Variants in FAM83D observed in about 807,000 individuals in gnomAD.
FAM83D encodes scaffolding CK1 anchoring protein D.
Under a neutral mutation model 25.4 loss-of-function variants are expected in FAM83D, and 26 were observed. The ratio of observed to expected loss-of-function variants is 1.02; its 90% CI spans 0.75 to 1.42. The LOEUF (loss-of-function observed/expected upper bound fraction) is 1.42, where lower values mean the gene tolerates loss of function less well. FAM83D is among the 40% of genes most tolerant of loss of function. The probability of loss-of-function intolerance (pLI) is 0.00; values close to 1 mark genes in which losing one functional copy is unlikely to be tolerated. For synonymous variants in FAM83D, 310 were observed against 318.5 expected, an observed-to-expected ratio of 0.97 and a Z score of 0.28; for missense variants, 740 against 758.1, an observed-to-expected ratio of 0.98 and a Z score of 0.28.
At position 38,952,355 on chromosome 20, in the gene FAM83D, G is replaced by T. The variant is rs545956434; in HGVS notation, c.1593G>T (p.Arg531=). 3.7e-6 allele frequency: 6 copies of T among 1,614,006 alleles called. No individual in the cohort carries two copies. Among genetic ancestry groups the T allele is most frequent in the Non-Finnish European group, 5.1e-6 (6 of 1,180,038 alleles). Residue 531 remains arginine (R), a synonymous_variant, in exon 4 of 4, where the codon CGG becomes CGT. Transcript: ENST00000619850. ...CACTTAGAAACTTGAACAAAGAGCG[G>T]CAATTCCACTTCGCTGGTATCAGGT... ...SDSLRNLNKE[R]QFHFAGIRSR...
chr20:38,947,612 G>A (rs72623594), intron 2 of FAM83D, among the ~76,000 whole-genome samples: 25,169 of 152,086 alleles, frequency 0.17, 2,335 homozygotes, highest in East Asian at 0.32. Flanking sequence ...ACACATACAC[G>A]CATGAACTAA....
At chr20:38,934,406 T>C (rs146649901) in intron 1 of FAM83D, among the ~76,000 whole-genome samples, 29 of 148,820 alleles carry the variant, frequency 1.9e-4, no homozygotes, top group African/African-American at 7.2e-4. Context: ...GGCAGGAGAA[T>C]AGCTTGAACC....
At chr20:38,927,036 G>A in intron 1 of FAM83D, 111 bp downstream of exon 1, 1 of 1,378,790 alleles carries the variant, frequency 7.3e-7, no homozygotes, top group Non-Finnish European at 9.3e-7. Flanking sequence ...GCGCCCTACC[G>A]GAAGCGCGCG....
chr20:38,935,483 C>G (rs1487332392), intron 1 of FAM83D, among the ~76,000 whole-genome samples: 1 of 152,222 alleles, frequency 6.6e-6, no homozygotes, highest in East Asian at 1.9e-4. Flanking sequence ...CATTCTGTTG[C>G]CCAGGCTAGA....
chr20:38,927,655 C>G (rs1252479068), intron 1 of FAM83D, among the ~76,000 whole-genome samples: 2 of 151,968 alleles, frequency 1.3e-5, no homozygotes, highest in Non-Finnish European at 2.9e-5. Flanking sequence ...CCCGCCACCA[C>G]GCCCGGCTAA....
chr20:38,952,171 C>T lies in FAM83D; in HGVS notation c.1409C>T (p.Ser470Leu), dbSNP rs773179759. The T allele has an allele frequency of 9.9e-6, 16 of 1,614,066 alleles. No individual in the cohort carries two copies. In the East Asian group the frequency reaches 2.2e-4, roughly 22 times the overall value. ...TCACCAGTCTCAAAAATGTCTGTAT[C>T]GAGATCTTCCAGTTTGAAGTCTTCC... is the stretch of plus-strand genomic sequence containing the variant. The part of the protein sequence containing the change: ...EGSPVSKMSV[S>L]RSSSLKSSSS... Residue 470 changes from serine to leucine, a missense_variant, in exon 4 of 4, where the codon TCG becomes TTG. This residue lies in a region of FAM83D where 375 missense variants were observed against 403.2 expected (regional missense o/e 0.93). Coordinates refer to ENST00000619850, the MANE Select transcript of FAM83D (RefSeq NM_030919.3).
Position 38,942,106 on chromosome 20 carries a change from G to A in FAM83D, c.631G>A (p.Val211Ile), listed in dbSNP as rs925431512. 1.2e-6 allele frequency: 2 copies of A among 1,614,092 alleles called. No individual in the cohort carries two copies. Among genetic ancestry groups the A allele is most frequent in the Admixed American group, 1.7e-5 (1 of 60,006 alleles). The change falls in exon 2 of 4, where the codon GTT becomes ATT. Residue 211 changes from valine to isoleucine, a missense_variant. Coordinates refer to ENST00000619850, the MANE Select transcript of FAM83D (RefSeq NM_030919.3). ...TCTGGATATGTGCATGGATCTGAAA[G>A]TTCATCCTGAACAGGAAAAGGTTTG... ...QFLDMCMDLK[V>I]HPEQEKLMTV...
chr20:38,944,678 G>A (rs992464727), intron 2 of FAM83D, among the ~76,000 whole-genome samples: 1 of 152,154 alleles, frequency 6.6e-6, no homozygotes. Flanking sequence ...GGTGGCTTAC[G>A]CCTGTAATCC....
intron 1 of FAM83D, among the ~76,000 whole-genome samples, chr20:38,936,838 T>C (rs532103384): frequency 6.6e-6 from 1 of 152,266 alleles, no homozygotes; most frequent in Admixed American, 6.5e-5. Context: ...AGAAAAGAGT[T>C]CAGTTCTATG....
rs893601607 is a variant in FAM83D, at chr20:38,952,881, C to T, written c.*361C>T. On this transcript the variant is annotated 3_prime_UTR_variant, in exon 4 of 4. Coordinates refer to ENST00000619850, the MANE Select transcript of FAM83D (RefSeq NM_030919.3). ...CTTTTCTGTGTTTAGATACAAATAC[C>T]ATTATGTTACAGTTGCCTACAGTAT... The T allele has an allele frequency of 4.2e-5, 10 of 238,592 alleles. No individual in the cohort carries two copies. Among genetic ancestry groups the T allele is most frequent in the Non-Finnish European group, 7.4e-5 (9 of 122,186 alleles). 14.8% of individuals were successfully genotyped at this position (238,592 alleles called of 1,614,324 possible).
chr20:38,942,125 AG>A lies in FAM83D; in HGVS notation c.651+1del, dbSNP rs763065875. 1 of 1,614,144 alleles carries A rather than the reference AG, an allele frequency of 6.2e-7. No individual in the cohort carries two copies. Among genetic ancestry groups the A allele is most frequent in the Non-Finnish European group, 8.5e-7 (1 of 1,179,978 alleles). On this transcript the variant is annotated frameshift_variant and splice_region_variant, in exon 2 of 4. Coordinates refer to ENST00000619850, the MANE Select transcript of FAM83D (RefSeq NM_030919.3). LOFTEE classifies it high-confidence loss of function. The stretch of plus-strand genomic sequence containing the variant: ...CTGAAAGTTCATCCTGAACAGGAAA[AG>A]GTTTGTGGTACACTATATCCAGTTT... ...MDLKVHPEQEKLMTVRTITGN... is the reference protein window; with the variant it reads ...MDLKVHPEQEXLMTVRTITGN...
chr20:38,926,553 G>C lies in FAM83D; in HGVS notation c.111G>C (p.Glu37Asp). Residue 37 changes from glutamate (E) to aspartate (D), a missense_variant, in exon 1 of 4, where the codon GAG (glutamate) becomes GAC (aspartate). Physicochemically the swap from Glu to Asp is conservative, Grantham distance 45. This residue lies in a region of FAM83D where 333 missense variants were observed against 298.6 expected (regional missense o/e 1.12). Transcript: ENST00000619850. ...LFSESRRLAL[E>D]ELVAGGPEAF... Reference sequence around the variant, plus strand: ...GCGAGTCACGGCGCCTGGCTCTGGAGGAGCTGGTGGCGGGCGGCCCCGAAG... The same window carrying C: ...GCGAGTCACGGCGCCTGGCTCTGGACGAGCTGGTGGCGGGCGGCCCCGAAG... The C allele has an allele frequency of 6.3e-7, 1 of 1,577,930 alleles. No individual in the cohort carries two copies. Among genetic ancestry groups the C allele is most frequent in the Non-Finnish European group, 8.6e-7 (1 of 1,169,228 alleles).
intron 1 of FAM83D, among the ~76,000 whole-genome samples, chr20:38,927,837 A>G (rs1262004591): frequency 1.3e-5 from 2 of 152,148 alleles, no homozygotes; most frequent in Admixed American, 1.3e-4. Flanking sequence ...TGGAGGGGAA[A>G]CTGGGGCAAG....
chr20:38,952,773 C>G lies in FAM83D; in HGVS notation c.*253C>G. On this transcript the variant is annotated 3_prime_UTR_variant, in exon 4 of 4. Transcript: ENST00000619850. ...TTTGCACAATTTTAATAGTCATGCA[C>G]TACATAATGATGTTTTGGTCAATGA... is the stretch of plus-strand genomic sequence containing the variant. 1 of 507,600 alleles carries G rather than the reference C, an allele frequency of 2.0e-6. No homozygotes were observed. Among genetic ancestry groups the G allele is most frequent in the Non-Finnish European group, 3.5e-6 (1 of 287,132 alleles). 31.4% of individuals were successfully genotyped at this position (507,600 alleles called of 1,614,324 possible).
intron 3 of FAM83D, among the ~76,000 whole-genome samples, chr20:38,951,043 G>T (rs1355582709): frequency 6.6e-6 from 1 of 152,068 alleles, no homozygotes; most frequent in East Asian, 1.9e-4. Flanking sequence ...GGTTGGTCTT[G>T]AACTCCTGAC....
At chr20:38,939,168 C>G (rs2085691052) in intron 1 of FAM83D, among the ~76,000 whole-genome samples, 1 of 152,176 alleles carries the variant, frequency 6.6e-6, no homozygotes, top group Non-Finnish European at 1.5e-5. Context: ...ATGTGGCTTC[C>G]TGCGGGAATG....
chr20:38,927,155 C>T (rs562295494), intron 1 of FAM83D, among the ~76,000 whole-genome samples: 1 of 152,326 alleles, frequency 6.6e-6, no homozygotes, highest in South Asian at 2.1e-4. Context: ...CCTCGGTTCC[C>T]AAGGATGCGA....
chr20:38,944,612 T>C (rs994376792), intron 2 of FAM83D, among the ~76,000 whole-genome samples: 2 of 152,186 alleles, frequency 1.3e-5, no homozygotes, highest in Non-Finnish European at 1.5e-5. Flanking sequence ...GTTGCCTTCA[T>C]AGGTGTCCAG....
At chr20:38,942,535 T>C (rs1009996767) in intron 2 of FAM83D, among the ~76,000 whole-genome samples, 1 of 152,176 alleles carries the variant, frequency 6.6e-6, no homozygotes, top group Non-Finnish European at 1.5e-5. Context: ...ACGTGCTAAG[T>C]GAAGGAAACC....
Sources: gnomAD v4.1 joint callset for allele counts (sites outside exome capture counted in the v4.1 genomes callset) on GRCh38, gnomAD v4.1.1 for gene constraint, gnomAD v4.1.1 regional missense constraint, MANE v1.5 for transcripts, NCBI Gene and HGNC (gene_info 2026-07-23, HGNC 2026-07-21) for gene names.